The following KBTBD12 variants were observed in gnomAD, a reference collection of about 807,000 sequenced individuals.
KBTBD12 encodes the protein kelch repeat and BTB domain containing 12, also known as kelch repeat and BTB domain-containing protein 12.
Under a neutral mutation model 58.7 loss-of-function variants are expected in KBTBD12, and 53 were observed. The observed-to-expected ratio is 0.90, with a 90% CI of 0.72 to 1.14. KBTBD12 has a LOEUF of 1.14. KBTBD12 is among the 50% of genes most tolerant of loss of function. The pLI, the probability that KBTBD12 is intolerant of heterozygous loss-of-function variation, is 0.00. For missense variants in KBTBD12, 704 were observed against 751.3 expected (o/e 0.94, Z 0.74); for synonymous variants, 236 against 259.8 (o/e 0.91, Z 0.88).
intron 5 of KBTBD12, among the ~76,000 whole-genome samples, chr3:127,968,840 GA>G (rs77744421): frequency 0.16 from 23,989 of 151,792 alleles, 2,148 homozygotes; most frequent in South Asian, 0.32. Flanking sequence ...AGAATAAAGG[GA>G]AAAAAACAGA....
intron 5 of KBTBD12, among the ~76,000 whole-genome samples, chr3:127,966,212 C>T (rs1386480367): frequency 1.3e-5 from 2 of 152,162 alleles, no homozygotes; most frequent in Non-Finnish European, 2.9e-5. Context: ...ACAGCCATAC[C>T]CTCTCGGCAA....
At chr3:127,918,976 G>GT (rs979695438) in intron 1 of KBTBD12, among the ~76,000 whole-genome samples, 46 of 151,828 alleles carry the variant, frequency 3.0e-4, no homozygotes, top group Non-Finnish European at 7.4e-5. Context: ...CTTAAAAATG[G>GT]TTTTTTTTAA....
At chr3:127,944,501 TG>T (rs532408074) in intron 4 of KBTBD12, among the ~76,000 whole-genome samples, 84 of 152,372 alleles carry the variant, frequency 5.5e-4, no homozygotes, top group Non-Finnish European at 9.1e-4. Context: ...GTATAAAGAA[TG>T]CAACTGATTT....
chr3:127,963,516 G>A (rs1357995584), intron 5 of KBTBD12, 130 bp downstream of exon 5: 1 of 879,706 alleles, frequency 1.1e-6, no homozygotes, highest in Non-Finnish European at 1.7e-6. Context: ...TTAGAGTCAG[G>A]GACCCTGTGC....
At chr3:127,941,335 C>T (rs1939946709) in intron 4 of KBTBD12, among the ~76,000 whole-genome samples, 2 of 152,268 alleles carry the variant, frequency 1.3e-5, no homozygotes, top group South Asian at 2.1e-4. Context: ...CCATGCCAAA[C>T]GTGTTTTTTC....
At position 127,923,125 on chromosome 3, in the gene KBTBD12, C is replaced by A. The variant is rs4141499; in HGVS notation, c.64C>A (p.Gln22Lys). 941,147 of 1,608,952 alleles carry A rather than the reference C, an allele frequency of 0.58. 279,612 individuals carry two copies. Among genetic ancestry groups the A allele is most frequent in the African/African-American group, 0.82 (61,057 of 74,852 alleles). Reference protein sequence around the residue: ...QHSLNLLNKIQNMKELAEMID... With the variant: ...QHSLNLLNKIKNMKELAEMID... ...TAGCTTGAATTTACTGAATAAAATT[C>A]AGAACATGAAAGAATTAGCAGAAAT... The change falls in exon 2 of 6, where the codon CAG becomes AAG. Residue 22 changes from glutamine to lysine, a missense_variant. Physicochemically the swap from Gln to Lys is moderately conservative, Grantham distance 53 (BLOSUM62 1). Coordinates refer to ENST00000405109, the MANE Select transcript of KBTBD12 (RefSeq NM_207335.4).
chr3:127,938,968 A>G (rs1939884719), intron 4 of KBTBD12, among the ~76,000 whole-genome samples: 1 of 152,212 alleles, frequency 6.6e-6, no homozygotes, highest in Non-Finnish European at 1.5e-5. Flanking sequence ...CTCCTCTGAT[A>G]GCCCCTAGCC....
At position 127,930,181 on chromosome 3, in the gene KBTBD12, C is replaced by G. The variant is rs1361650348; in HGVS notation, c.1390C>G (p.Gln464Glu). 1 of 1,603,260 alleles carries G rather than the reference C, an allele frequency of 6.2e-7. No individual in the cohort carries two copies. The highest frequency in any genetic ancestry group is 1.7e-5 in the Admixed American group (1 of 58,436). The part of the protein sequence containing the change: ...EPDRLSNKLL[Q>E]YDPSQDQWSV... ...TGATCGATTAAGCAACAAACTGTTG[C>G]AGTATGACCCCAGCCAAGATCAATG... The change falls in exon 4 of 6, where the codon CAG (glutamine) becomes GAG (glutamate). Residue 464 changes from glutamine to glutamate, a missense_variant. Coordinates refer to ENST00000405109, the MANE Select transcript of KBTBD12 (RefSeq NM_207335.4).
At chr3:127,952,899 A>G (rs776272776) in intron 4 of KBTBD12, among the ~76,000 whole-genome samples, 4 of 152,196 alleles carry the variant, frequency 2.6e-5, no homozygotes, top group Non-Finnish European at 4.4e-5. Context: ...CATGTGTACA[A>G]AGGTTTCCCA....
chr3:127,941,033 A>G (rs1939939373), intron 4 of KBTBD12, among the ~76,000 whole-genome samples: 1 of 152,236 alleles, frequency 6.6e-6, no homozygotes, highest in African/African-American at 2.4e-5. Flanking sequence ...AAATGATTAA[A>G]TACATTGAAT....
intron 5 of KBTBD12, among the ~76,000 whole-genome samples, chr3:127,972,959 A>G (rs1010360958): frequency 1.1e-4 from 16 of 152,376 alleles, no homozygotes; most frequent in African/African-American, 3.4e-4. Flanking sequence ...GAAAGGTTAT[A>G]AAGAACAGGA....
intron 4 of KBTBD12, 109 bp from the exon 5 acceptor site, chr3:127,963,080 A>G (rs1940478198): frequency 2.1e-6 from 2 of 975,478 alleles, no homozygotes; most frequent in Non-Finnish European, 3.0e-6. Flanking sequence ...CAAGAAAGAG[A>G]AAAGTTACAG....
rs898230042 is a variant in KBTBD12 at position 127,927,753 on chromosome 3, C to T, written c.1071-11C>T. ...ACCTCTAATCCTGGATACTCTCTCT[C>T]TCTTTTGCAGGTATCATGATAGAGG... On this transcript the variant is annotated splice_polypyrimidine_tract_variant and intron_variant, in intron 2 of 5. Coordinates refer to ENST00000405109, the MANE Select transcript of KBTBD12 (RefSeq NM_207335.4). The T allele has an allele frequency of 6.8e-6, 10 of 1,472,606 alleles. No individual in the cohort carries two copies. The highest frequency in any genetic ancestry group is 1.8e-4 in the Middle Eastern group (1 of 5,446). 91.2% of individuals were successfully genotyped at this position (1,472,606 alleles called of 1,614,324 possible). A position where few individuals can be genotyped will look rare whatever the true frequency, so the allele number is the denominator to read the frequency against.
At chr3:127,952,778 C>T (rs1306281668) in intron 4 of KBTBD12, among the ~76,000 whole-genome samples, 1 of 152,236 alleles carries the variant, frequency 6.6e-6, no homozygotes, top group East Asian at 1.9e-4. Flanking sequence ...TAACAGGCAG[C>T]ATCTAACCAC....
chr3:127,960,142 T>C (rs1940405556), intron 4 of KBTBD12, among the ~76,000 whole-genome samples: 1 of 152,132 alleles, frequency 6.6e-6, no homozygotes, highest in Non-Finnish European at 1.5e-5. Flanking sequence ...CAAGGGCAAC[T>C]TGGGCAGCGA....
intron 3 of KBTBD12, among the ~76,000 whole-genome samples, chr3:127,929,395 G>T (rs957549558): frequency 6.6e-6 from 1 of 152,080 alleles, no homozygotes; most frequent in Non-Finnish European, 1.5e-5. Flanking sequence ...CAAAAAAATG[G>T]CACTCATGAA....
At chr3:127,937,987 A>G (rs1939862096) in intron 4 of KBTBD12, among the ~76,000 whole-genome samples, 1 of 152,162 alleles carries the variant, frequency 6.6e-6, no homozygotes, top group South Asian at 2.1e-4. Flanking sequence ...TGAAATAAAG[A>G]CATTTTCAGA....
chr3:127,940,564 T>C (rs181165704), intron 4 of KBTBD12, among the ~76,000 whole-genome samples: 29 of 152,266 alleles, frequency 1.9e-4, no homozygotes, highest in Non-Finnish European at 8.8e-5. Context: ...CGAAGAGTAC[T>C]GCTAAAGCAG....
chr3:127,946,416 G>A (rs1248973202), intron 4 of KBTBD12, among the ~76,000 whole-genome samples: 11 of 151,954 alleles, frequency 7.2e-5, no homozygotes, highest in African/African-American at 2.2e-4. Flanking sequence ...ATTATATATC[G>A]GCAGTATATG....
Sources: gnomAD v4.1 joint callset for allele counts (sites outside exome capture counted in the v4.1 genomes callset) on GRCh38, gnomAD v4.1.1 for gene constraint, MANE v1.5 for transcripts, NCBI Gene and HGNC (gene_info 2026-07-23, HGNC 2026-07-21) for gene names.